Variants in ZNF528 observed in about 807,000 individuals in gnomAD.
The protein encoded by ZNF528 is zinc finger protein 528.
Under a neutral mutation model 13.3 loss-of-function variants are expected in ZNF528, and 9 were observed. The observed-to-expected ratio is 0.67, with a 90% CI of 0.41 to 1.18. The LOEUF (loss-of-function observed/expected upper bound fraction) is 1.18. Ranked by LOEUF, ZNF528 falls within the 50% of genes most tolerant of loss-of-function variation. The pLI is 0.01. For missense variants in ZNF528, 858 were observed against 745.4 expected (o/e 1.15, Z -1.76); for synonymous variants, 264 against 254.3 (o/e 1.04, Z -0.36).
At chr19:52,401,598 T>G (rs1439448304) in intron 2 of ZNF528, 87 bp from the exon 3 acceptor site, 1 of 1,132,850 alleles carries the variant, frequency 8.8e-7, no homozygotes, top group African/African-American at 1.7e-5. Flanking sequence ...TTTGTATTTT[T>G]AAAATAAGTG....
chr19:52,415,923 A>C lies in ZNF528; in HGVS notation c.1071A>C (p.Glu357Asp). 1 of 1,614,102 alleles carries C rather than the reference A, an allele frequency of 6.2e-7. No homozygotes were observed. The highest frequency in any genetic ancestry group is 8.5e-7 in the Non-Finnish European group (1 of 1,180,014). ...HTGEKPYKCE[E>D]CGKAFSVRSS... ...GTGAGAAACCTTACAAATGTGAAGA[A>C]TGTGGCAAAGCATTTTCAGTGCGTT... Residue 357 changes from glutamate (E) to aspartate (D), a missense_variant, in exon 7 of 7, where the codon GAA (glutamate) becomes GAC (aspartate). Glu to Asp is a conservative substitution (Grantham distance 45). Transcript: ENST00000360465.
At chr19:52,401,893 C>G in intron 3 of ZNF528, 54 bp from the exon 4 acceptor site, 1 of 1,579,510 alleles carries the variant, frequency 6.3e-7, no homozygotes, top group South Asian at 1.1e-5. Flanking sequence ...GGCTATGGCA[C>G]AGGAAGGAGG....
intron 4 of ZNF528, among the ~76,000 whole-genome samples, chr19:52,403,724 AGTGTGTAT>A (rs1328123594): frequency 6.6e-6 from 1 of 151,708 alleles, no homozygotes; most frequent in Non-Finnish European, 1.5e-5. Flanking sequence ...GATGTCTATA[AGTGTGTAT>A]GTGTACTAGT....
rs1251834412 is a variant in ZNF528, at chr19:52,416,757, A to G, written c.*18A>G. 4 of 815,890 alleles carry G rather than the reference A, an allele frequency of 4.9e-6. No individual in the cohort carries two copies. Among genetic ancestry groups the G allele is most frequent in the South Asian group, 3.1e-5 (2 of 64,692 alleles). 50.5% of individuals were successfully genotyped at this position (815,890 alleles called of 1,614,324 possible). ...ATTCATGAGAGTCCCTACAAACTGTATGGCAAAACCATCATCATGAGTTCT... is the reference window on the plus strand; with the variant it reads ...ATTCATGAGAGTCCCTACAAACTGTGTGGCAAAACCATCATCATGAGTTCT... On this transcript the variant is annotated 3_prime_UTR_variant, in exon 7 of 7. Transcript: ENST00000360465.
chr19:52,398,806 G>C (rs1333285452), intron 2 of ZNF528, among the ~76,000 whole-genome samples, 187 bp downstream of exon 2: 1 of 152,162 alleles, frequency 6.6e-6, no homozygotes, highest in Non-Finnish European at 1.5e-5. Flanking sequence ...ACAGAGCAGC[G>C]TGGTGCTGGG....
In ZNF528 at chr19:52,406,584, G is replaced by C. The variant is rs556414375; in HGVS notation, c.212G>C (p.Ser71Thr). ...EQKRDPWTLQSEEKIANDPDG... is the reference protein window; with the variant it reads ...EQKRDPWTLQTEEKIANDPDG... ...AAGAGAGATCCCTGGACTCTGCAGA[G>C]TGAAGAGAAAATAGCAAACGATCCA... The change falls in exon 6 of 7, where the codon AGT (serine) becomes ACT (threonine). Residue 71 changes from serine to threonine, a missense_variant. Coordinates refer to ENST00000360465, the MANE Select transcript of ZNF528 (RefSeq NM_032423.3). The C allele has an allele frequency of 1.2e-6, 2 of 1,614,164 alleles. No individual in the cohort carries two copies. Among genetic ancestry groups the C allele is most frequent in the Non-Finnish European group, 1.7e-6 (2 of 1,180,018 alleles).
chr19:52,413,338 CAG>C (rs2058955525), intron 6 of ZNF528: 1 of 152,194 alleles, frequency 6.6e-6, no homozygotes, highest in Non-Finnish European at 1.5e-5. Flanking sequence ...AATTCCGTGT[CAG>C]ATACGCAGTA....
intron 2 of ZNF528, 47 bp from the exon 3 acceptor site, chr19:52,401,638 A>G (rs1043425941): frequency 8.1e-7 from 1 of 1,232,814 alleles, no homozygotes; most frequent in Non-Finnish European, 1.0e-6. Context: ...TAGGAATCAC[A>G]GTTTATTACC....
rs1035528980 is a variant in ZNF528 at position 52,416,925 on chromosome 19, T to A, written c.*186T>A. 2 of 601,068 alleles carry A rather than the reference T, an allele frequency of 3.3e-6. No individual in the cohort carries two copies. The highest frequency in any genetic ancestry group is 3.7e-5 in the African/African-American group (2 of 54,260). 37.2% of individuals were successfully genotyped at this position (601,068 alleles called of 1,614,324 possible). On this transcript the variant is annotated 3_prime_UTR_variant, in exon 7 of 7. Coordinates refer to ENST00000360465, the MANE Select transcript of ZNF528 (RefSeq NM_032423.3). ...GATGAAAGCACACAGATGAATTGTG[T>A]GTACTTGGGCTATTATTCAAGGACC...
intron 4 of ZNF528, chr19:52,402,438 C>T (rs949021821): frequency 1.8e-5 from 4 of 223,702 alleles, no homozygotes; most frequent in Admixed American, 1.6e-4. Context: ...GAGTCTCACA[C>T]GTTGCCCAGG....
intron 2 of ZNF528, among the ~76,000 whole-genome samples, chr19:52,400,554 C>T (rs1057145307): frequency 3.9e-5 from 6 of 152,064 alleles, no homozygotes; most frequent in Non-Finnish European, 7.4e-5. Flanking sequence ...CAAGGTCTTG[C>T]TCTGTCACCC....
chr19:52,408,211 CCTT>C (rs957052120), intron 6 of ZNF528: 1 of 149,510 alleles, frequency 6.7e-6, no homozygotes, highest in Non-Finnish European at 1.5e-5. Context: ...GATGGAGTCT[CCTT>C]CTATCTCCCA....
chr19:52,415,541 T>C lies in ZNF528; in HGVS notation c.689T>C (p.Ile230Thr), dbSNP rs775263477. Residue 230 changes from isoleucine (I) to threonine (T), a missense_variant, in exon 7 of 7, where the codon ATA becomes ACA. Transcript: ENST00000360465. ...TTTAGTTGCAGTTCAAAGCTTGTGA[T>C]ACATCGAAGAATGCATACTGGAGAG... ...KVFSCSSKLV[I>T]HRRMHTGEKP... is the part of the protein sequence containing the mutation. 22 of 1,613,908 alleles carry C rather than the reference T, an allele frequency of 1.4e-5. No homozygotes were observed. Among genetic ancestry groups the C allele is most frequent in the Non-Finnish European group, 1.6e-5 (19 of 1,180,014 alleles).
intron 6 of ZNF528, among the ~76,000 whole-genome samples, chr19:52,411,113 CAGA>C (rs2058925880): frequency 6.6e-6 from 1 of 152,020 alleles, no homozygotes; most frequent in Admixed American, 6.6e-5. Context: ...TAGGAGTGGC[CAGA>C]AGAATATCAT....
chr19:52,403,584 T>G (rs1464054344), intron 4 of ZNF528, among the ~76,000 whole-genome samples: 6 of 144,862 alleles, frequency 4.1e-5, no homozygotes, highest in African/African-American at 1.5e-4. Flanking sequence ...CGCTTCAGCC[T>G]CAGAGGTGGA....
intron 6 of ZNF528, among the ~76,000 whole-genome samples, chr19:52,410,572 C>G (rs1026026286): frequency 1.1e-4 from 16 of 152,212 alleles, no homozygotes; most frequent in Admixed American, 5.9e-4. Flanking sequence ...CAGTGGAACG[C>G]TGAGTTGGTC....
At chr19:52,401,805 T>C (rs1599814091) in intron 3 of ZNF528, 52 bp downstream of exon 3, 1 of 1,517,408 alleles carries the variant, frequency 6.6e-7, no homozygotes, top group Non-Finnish European at 8.8e-7. Context: ...ATCTGCTTGC[T>C]CAGTTAGGAT....
In ZNF528 at chr19:52,416,954, GC is replaced by G. The variant is rs1431858728; in HGVS notation, c.*216del. 3 of 531,214 alleles carry G rather than the reference GC, an allele frequency of 5.6e-6. No individual in the cohort carries two copies. The highest frequency in any genetic ancestry group is 5.6e-5 in the African/African-American group (3 of 53,144). 32.9% of individuals were successfully genotyped at this position (531,214 alleles called of 1,614,324 possible). ...CTTGGGCTATTATTCAAGGACCATTGCTATAGAACACGATAGGATTTACACA... is the reference window on the plus strand; with the variant it reads ...CTTGGGCTATTATTCAAGGACCATTGTATAGAACACGATAGGATTTACACA... On this transcript the variant is annotated 3_prime_UTR_variant, in exon 7 of 7. Transcript: ENST00000360465.
Position 52,406,382 on chromosome 19 carries a change from A to G in ZNF528, c.143-133A>G, listed in dbSNP as rs547576381. On this transcript the variant is annotated intron_variant, in intron 5 of 6. Transcript: ENST00000360465. Reference sequence around the variant, plus strand: ...GTTACAATGTTCCCTAAGCATTCAGAAAGAGGCAGTCAGTAGATGAATTTG... The same window carrying G: ...GTTACAATGTTCCCTAAGCATTCAGGAAGAGGCAGTCAGTAGATGAATTTG... 7 of 1,350,994 alleles carry G rather than the reference A, an allele frequency of 5.2e-6. No individual in the cohort carries two copies. In the South Asian group the frequency reaches 1.1e-4, roughly 22 times the overall value. 83.7% of individuals were successfully genotyped at this position (1,350,994 alleles called of 1,614,324 possible). A position where few individuals can be genotyped will look rare whatever the true frequency, so the allele number is the denominator to read the frequency against.
Sources: allele counts gnomAD v4.1 joint callset (sites outside exome capture counted in the v4.1 genomes callset), GRCh38; gene constraint gnomAD v4.1.1; transcripts MANE v1.5; gene names NCBI Gene and HGNC (gene_info 2026-07-23, HGNC 2026-07-21).